Variants in ART3 observed in about 807,000 individuals in gnomAD.
ART3 encodes ADP-ribosyltransferase 3 (inactive), also known as ecto-ADP-ribosyltransferase 3.
In ART3, 49 loss-of-function variants were observed where a neutral mutation model predicts 48.5. That is an observed-to-expected ratio of 1.01 (90% CI 0.80 to 1.28). ART3 has a LOEUF of 1.28. ART3 is among the 50% of genes most tolerant of loss of function. The probability of loss-of-function intolerance (pLI) is 0.00; values close to 1 mark genes in which losing one functional copy is unlikely to be tolerated. For synonymous variants in ART3, 145 were observed against 157.2 expected (o/e 0.92, Z 0.58); for missense variants, 438 against 454.3 (o/e 0.96, Z 0.33).
At chr4:76,045,373 G>T (rs184142805) in intron 1 of ART3, among the ~76,000 whole-genome samples, 1 of 152,080 alleles carries the variant, frequency 6.6e-6, no homozygotes, top group African/African-American at 2.4e-5. Flanking sequence ...TCTAAGAGGC[G>T]GTTGTCTGAT....
At chr4:76,075,688 A>G (rs1720886261) in intron 1 of ART3, among the ~76,000 whole-genome samples, 193 bp from the exon 2 acceptor site, 1 of 152,130 alleles carries the variant, frequency 6.6e-6, no homozygotes, top group Non-Finnish European at 1.5e-5. Context: ...TCGTCTGTAG[A>G]ATGAGAGCAT....
chr4:76,092,459 G>A (rs546688581), intron 3 of ART3, among the ~76,000 whole-genome samples: 60 of 152,070 alleles, frequency 3.9e-4, no homozygotes, highest in African/African-American at 1.3e-3. Flanking sequence ...CTGTTCCTCT[G>A]TTGTTTTACT....
intron 2 of ART3, 46 bp downstream of exon 2, chr4:76,076,004 GT>G (rs10674212): frequency 0.034 from 40,610 of 1,178,070 alleles, 1 homozygote; most frequent in South Asian, 0.042. Context: ...ATGGAAATTC[GT>G]TTTTTTTTTT....
At chr4:76,090,710 C>A (rs1055834743) in intron 3 of ART3, among the ~76,000 whole-genome samples, 4 of 151,980 alleles carry the variant, frequency 2.6e-5, no homozygotes, top group African/African-American at 9.7e-5. Flanking sequence ...TCATCCCATC[C>A]TCATAATTAA....
intron 1 of ART3, among the ~76,000 whole-genome samples, chr4:76,048,543 G>T (rs189119713): frequency 6.6e-6 from 1 of 151,704 alleles, no homozygotes; most frequent in Non-Finnish European, 1.5e-5. Flanking sequence ...AACCCACAAC[G>T]GTCCCTGGAC....
intron 3 of ART3, among the ~76,000 whole-genome samples, chr4:76,087,963 G>A (rs1272807413): frequency 1.3e-5 from 2 of 152,154 alleles, no homozygotes; most frequent in Admixed American, 6.5e-5. Context: ...GTGCAGTGGT[G>A]TGTGCCTGTA....
At chr4:76,043,952 T>A (rs1443685775) in intron 1 of ART3, among the ~76,000 whole-genome samples, 2 of 151,940 alleles carry the variant, frequency 1.3e-5, no homozygotes, top group East Asian at 3.9e-4. Flanking sequence ...GGCCCTGCAG[T>A]TGTAGTGTCC....
At chr4:76,046,007 A>G (rs1351612798) in intron 1 of ART3, among the ~76,000 whole-genome samples, 2 of 152,026 alleles carry the variant, frequency 1.3e-5, no homozygotes, top group East Asian at 3.8e-4. Flanking sequence ...TTGATTAGCC[A>G]GAAAGTTCAA....
At chr4:76,061,606 A>G (rs1719218775) in intron 1 of ART3, among the ~76,000 whole-genome samples, 1 of 152,216 alleles carries the variant, frequency 6.6e-6, no homozygotes, top group African/African-American at 2.4e-5. Flanking sequence ...AGCATTACAC[A>G]CAAGGCGCTC....
At chr4:76,052,428 G>A (rs1578338581) in intron 1 of ART3, among the ~76,000 whole-genome samples, 1 of 152,174 alleles carries the variant, frequency 6.6e-6, no homozygotes, top group East Asian at 1.9e-4. Context: ...ATGCTTGAGA[G>A]AGCCACTGGT....
intron 1 of ART3, chr4:76,023,404 A>G: frequency 6.2e-7 from 1 of 1,614,044 alleles, no homozygotes; most frequent in Non-Finnish European, 8.5e-7. Flanking sequence ...AAGATAAGGC[A>G]GCAAATCAGA....
At chr4:76,092,174 C>A (rs1339901451) in intron 3 of ART3, among the ~76,000 whole-genome samples, 1 of 152,034 alleles carries the variant, frequency 6.6e-6, no homozygotes, top group African/African-American at 2.4e-5. Flanking sequence ...TTAAGCTTGC[C>A]TTGCATTTAT....
At chr4:76,065,111 C>T (rs895098068) in intron 1 of ART3, among the ~76,000 whole-genome samples, 2 of 152,102 alleles carry the variant, frequency 1.3e-5, no homozygotes, top group East Asian at 1.9e-4. Context: ...GGATCACAGG[C>T]GTGAGTAATG....
intron 11 of ART3, 146 bp downstream of exon 11, chr4:76,107,939 G>T: frequency 1.7e-6 from 1 of 585,224 alleles, no homozygotes; most frequent in East Asian, 3.3e-5. Context: ...ATATCCAAAA[G>T]CTTGTGTGTG....
At chr4:76,084,885 T>C (rs535024720) in intron 3 of ART3, among the ~76,000 whole-genome samples, 1 of 152,296 alleles carries the variant, frequency 6.6e-6, no homozygotes, top group South Asian at 2.1e-4. Context: ...GTGTTCTTCT[T>C]GTTGAGTCCT....
chr4:76,108,565 A>T (rs1728895712), intron 11 of ART3, among the ~76,000 whole-genome samples: 1 of 151,416 alleles, frequency 6.6e-6, no homozygotes, highest in Non-Finnish European at 1.5e-5. Context: ...ATTAAAAAAA[A>T]AAACAAAAAA....
At chr4:76,066,441 A>G (rs907357635) in intron 1 of ART3, among the ~76,000 whole-genome samples, 2 of 152,094 alleles carry the variant, frequency 1.3e-5, no homozygotes, top group African/African-American at 4.8e-5. Context: ...GAGGCCCTGG[A>G]GATGGCAGCT....
rs187433298 is a variant in ART3 at position 76,047,209 on chromosome 4, T to C, written c.-9-28672T>C. Among the ~76,000 whole-genome samples the C allele has an allele frequency of 2.0e-3, 311 of 152,144 alleles. 4 individuals carry two copies. The highest frequency in any genetic ancestry group is 3.7e-3 in the Non-Finnish European group (249 of 67,924). ...ACTGATAACAAGCCCTACCAGGTGA[T>C]TGGCCTGCTCCATTTTCTGTCCTCT... is the stretch of plus-strand genomic sequence containing the variant. On this transcript the variant is annotated intron_variant, in intron 1 of 9. Coordinates refer to the ART3 transcript ENST00000341029.
intron 1 of ART3, among the ~76,000 whole-genome samples, chr4:76,060,100 A>G (rs1719060148): frequency 6.6e-6 from 1 of 152,168 alleles, no homozygotes; most frequent in Non-Finnish European, 1.5e-5. Context: ...GTCAGGTCTT[A>G]AAAAACTCAT....
Sources: allele counts gnomAD v4.1 joint callset (sites outside exome capture counted in the v4.1 genomes callset), GRCh38; gene constraint gnomAD v4.1.1; transcripts MANE v1.5; gene names NCBI Gene and HGNC (gene_info 2026-07-23, HGNC 2026-07-21).